Variants in CHN2 observed in about 807,000 individuals in gnomAD.
CHN2 encodes chimerin 2.
A neutral mutation model predicts 56.3 loss-of-function variants in CHN2; 35 were observed. The observed-to-expected ratio is 0.62, with a 90% CI of 0.47 to 0.82. The LOEUF (loss-of-function observed/expected upper bound fraction) is 0.82. CHN2 is among the 40% of genes least tolerant of loss of function. The probability of loss-of-function intolerance (pLI) is 0.00; values close to 1 mark genes in which losing one functional copy is unlikely to be tolerated. For synonymous variants in CHN2, 210 were observed against 212.8 expected, an observed-to-expected ratio of 0.99 and a Z score of 0.12; for missense variants, 491 against 580.5, an observed-to-expected ratio of 0.85 and a Z score of 1.58.
At chr7:29,311,621 A>C (rs1223698396) in intron 1 of CHN2, among the ~76,000 whole-genome samples, 1 of 152,214 alleles carries the variant, frequency 6.6e-6, no homozygotes, top group African/African-American at 2.4e-5. Flanking sequence ...TGCTGAGCAT[A>C]TATATCTGCT....
intron 6 of CHN2, chr7:29,479,680 A>C (rs948633821): frequency 3.8e-6 from 4 of 1,039,476 alleles, no homozygotes; most frequent in Non-Finnish European, 4.6e-6. Flanking sequence ...CAGACTTTGA[A>C]CGTCAGAGCT....
In CHN2 at chr7:29,164,892, C is replaced by A. The variant is rs1360411177; in HGVS notation, c.274+17932C>A. ...CTGTTTCTAAACTTTCTAGAGTGTT[C>A]CATTGATCTTTGTATATCTATCATT... On this transcript the variant is annotated intron_variant, in intron 2 of 6. Transcript: ENST00000439384. 2.0e-5 allele frequency among the ~76,000 whole-genome samples: 3 copies of A among 151,760 alleles called. No homozygotes were observed. The East Asian group carries it at 5.8e-4, about 29-fold the overall frequency.
Position 29,368,068 on chromosome 7 carries a change from G to A in CHN2, c.144+81G>A, listed in dbSNP as rs1799312849. Reference sequence around the variant, plus strand: ...TATGTAGAGAGTGGAGGGATTTCAGGTTTCCTGGGAGTTGATTTCTATTAA... The same window carrying A: ...TATGTAGAGAGTGGAGGGATTTCAGATTTCCTGGGAGTTGATTTCTATTAA... On this transcript the variant is annotated intron_variant, in intron 3 of 12. Coordinates refer to ENST00000222792, the MANE Select transcript of CHN2 (RefSeq NM_004067.4). The A allele has an allele frequency of 3.4e-6, 4 of 1,188,972 alleles. No homozygotes were observed. In the East Asian group the frequency reaches 8.2e-5, roughly 24 times the overall value. The allele number at this position is 1,188,972 out of a possible 1,614,324, so 73.7% of individuals were successfully genotyped here.
At chr7:29,200,311 TTTCC>T (rs887852664) in intron 1 of CHN2, among the ~76,000 whole-genome samples, 16 of 151,684 alleles carry the variant, frequency 1.1e-4, no homozygotes, top group Middle Eastern at 3.4e-3. Context: ...CCCTCTCTTC[TTTCC>T]TTCCTTTCTC....
rs1788849867 is a variant in CHN2, at chr7:29,253,939, CTG to C, written c.49+58951_49+58952del. ...TTTCTTTTCGAGACGGAGTCTTGCTCTGTCGCCCAGGCTGGAGTGCAGTGGCA... is the reference window on the plus strand; with the variant it reads ...TTTCTTTTCGAGACGGAGTCTTGCTCTCGCCCAGGCTGGAGTGCAGTGGCA... On this transcript the variant is annotated intron_variant, in intron 1 of 12. Coordinates refer to ENST00000222792, the MANE Select transcript of CHN2 (RefSeq NM_004067.4). Among the ~76,000 whole-genome samples the C allele has an allele frequency of 2.0e-5, 3 of 152,232 alleles. No homozygotes were observed. The South Asian group carries it at 6.2e-4, about 32-fold the overall frequency.
At chr7:29,494,069 C>G (rs1161160882) in intron 7 of CHN2, among the ~76,000 whole-genome samples, 1 of 152,164 alleles carries the variant, frequency 6.6e-6, no homozygotes, top group African/African-American at 2.4e-5. Flanking sequence ...ACACCAAGTT[C>G]TTTTGCTCCC....
At chr7:29,357,127 G>A (rs138486070) in intron 2 of CHN2, among the ~76,000 whole-genome samples, 2 of 152,184 alleles carry the variant, frequency 1.3e-5, no homozygotes, top group African/African-American at 4.8e-5. Context: ...AAATTTAACA[G>A]TATCAATTTT....
intron 3 of CHN2, among the ~76,000 whole-genome samples, chr7:29,385,450 C>A (rs1424091240): frequency 2.0e-5 from 3 of 152,010 alleles, no homozygotes; most frequent in South Asian, 2.1e-4. Context: ...TGGATTCTAC[C>A]CACTAGAGGC....
intron 3 of CHN2, among the ~76,000 whole-genome samples, chr7:29,392,138 A>T (rs943529591): frequency 1.3e-5 from 2 of 152,210 alleles, no homozygotes; most frequent in Non-Finnish European, 2.9e-5. Flanking sequence ...ATCGCCTCTC[A>T]AAGAATGGAG....
chr7:29,211,280 A>G (rs1408945293), intron 1 of CHN2, among the ~76,000 whole-genome samples: 3 of 150,790 alleles, frequency 2.0e-5, no homozygotes, highest in Non-Finnish European at 3.0e-5. Flanking sequence ...GGGTTTCACC[A>G]TGTTAGCCGG....
At chr7:29,252,323 G>A (rs245969) in intron 1 of CHN2, among the ~76,000 whole-genome samples, 25,135 of 150,940 alleles carry the variant, frequency 0.17, 5,272 homozygotes, top group African/African-American at 0.5. Flanking sequence ...CGAGTAGCTG[G>A]GACTACAGGC....
chr7:29,374,062 A>C (rs1447229427), intron 3 of CHN2, among the ~76,000 whole-genome samples: 1 of 152,238 alleles, frequency 6.6e-6, no homozygotes, highest in Non-Finnish European at 1.5e-5. Context: ...AATTGGCTTT[A>C]TGTGTAGTAA....
intron 7 of CHN2, among the ~76,000 whole-genome samples, chr7:29,484,434 A>G (rs1286079404): frequency 6.6e-6 from 1 of 152,176 alleles, no homozygotes; most frequent in Non-Finnish European, 1.5e-5. Flanking sequence ...GTCCTTCTGG[A>G]GGCTCTGAAA....
chr7:29,231,370 G>A (rs140581325), intron 1 of CHN2, among the ~76,000 whole-genome samples: 5 of 152,264 alleles, frequency 3.3e-5, no homozygotes, highest in South Asian at 2.1e-4. Flanking sequence ...TGTGTGTTTC[G>A]GAGGAGGAGG....
At position 29,229,641 on chromosome 7, in the gene CHN2, A is replaced by C. The variant is rs555290441; in HGVS notation, c.49+34651A>C. ...GAACCTTTAGATGAAGAATTGGAAAACGAAGGCCTACCAGCCAAATCCAGC... is the reference window on the plus strand; with the variant it reads ...GAACCTTTAGATGAAGAATTGGAAACCGAAGGCCTACCAGCCAAATCCAGC... On this transcript the variant is annotated intron_variant, in intron 1 of 12. Transcript: ENST00000222792. Among the ~76,000 whole-genome samples, 88 of 152,324 alleles carry C rather than the reference A, an allele frequency of 5.8e-4. No individual in the cohort carries two copies. The South Asian group carries it at 0.018, about 31-fold the overall frequency.
intron 6 of CHN2, among the ~76,000 whole-genome samples, chr7:29,461,816 TTGGATGGATGGATGGATGGATGGA>T (rs5883212): frequency 3.5e-5 from 5 of 143,866 alleles, no homozygotes; most frequent in East Asian, 2.0e-4. Context: ...GGTTGGTTCA[TTGGATGGATGGATGGATGGATGGA>T]TGGATGGATG....
intron 6 of CHN2, among the ~76,000 whole-genome samples, chr7:29,404,400 G>C (rs10265052): frequency 0.074 from 11,295 of 152,204 alleles, 653 homozygotes; most frequent in African/African-American, 0.15. Context: ...GGGAAAAAAT[G>C]ATCCATGCCC....
intron 3 of CHN2, among the ~76,000 whole-genome samples, chr7:29,383,569 A>G (rs1285126884): frequency 1.3e-5 from 2 of 152,234 alleles, no homozygotes; most frequent in African/African-American, 4.8e-5. Context: ...TTTGTCAGAT[A>G]TCTGGGAATC....
rs140704773 is a variant in CHN2 at position 29,211,809 on chromosome 7, G to A, written c.49+16819G>A. ...TAATTTTTTTAACTTGCTACACTGC[G>A]TAGCACTATTTTATTGAATGATCAT... On this transcript the variant is annotated intron_variant, in intron 1 of 12. Transcript: ENST00000222792. Among the ~76,000 whole-genome samples, 187 of 152,230 alleles carry A rather than the reference G, an allele frequency of 1.2e-3. 3 individuals carry two copies. The highest frequency in any genetic ancestry group is 6.8e-3 in the Middle Eastern group (2 of 292).
Sources: allele counts gnomAD v4.1 joint callset (sites outside exome capture counted in the v4.1 genomes callset), GRCh38; gene constraint gnomAD v4.1.1; transcripts MANE v1.5; gene names NCBI Gene and HGNC (gene_info 2026-07-23, HGNC 2026-07-21).